The following CCNB3 variants were observed in gnomAD, a reference collection of about 807,000 sequenced individuals.
CCNB3 encodes cyclin B3, also known as G2/mitotic-specific cyclin-B3.
CCNB3 carries 12 observed loss-of-function variants against 68.0 expected under a neutral mutation model. The ratio of observed to expected loss-of-function variants is 0.18; its 90% CI spans 0.11 to 0.29. The LOEUF is 0.29. Ranked by LOEUF, CCNB3 falls within the 10% of genes least tolerant of loss-of-function variation. The pLI, the probability that CCNB3 is intolerant of heterozygous loss-of-function variation, is 1.00. For missense variants in CCNB3, 904 were observed against 993.1 expected (o/e 0.91, Z 1.21); for synonymous variants, 354 against 388.9 (o/e 0.91, Z 1.06).
At chrX:50,316,662 T>C (rs1921739758) in intron 8 of CCNB3, among the ~76,000 whole-genome samples, 1 of 112,221 alleles carries the variant, frequency 8.9e-6, no homozygotes, top group Admixed American at 9.4e-5. Flanking sequence ...ATCTATTCTC[T>C]ATCTTTGCCT....
At chrX:50,329,669 G>A (rs1455009569) in intron 8 of CCNB3, among the ~76,000 whole-genome samples, 5 of 112,389 alleles carry the variant, frequency 4.4e-5, no homozygotes, top group African/African-American at 1.3e-4. Context: ...CCATTGTCCT[G>A]GCTATTAGCA....
chrX:50,226,771 AAT>A (rs1218465393), intron 1 of CCNB3, among the ~76,000 whole-genome samples: 1 of 80,729 alleles, frequency 1.2e-5, no homozygotes, highest in Non-Finnish European at 2.2e-5. Flanking sequence ...ATGTACATAG[AAT>A]ATATATATGA....
chrX:50,227,267 A>G (rs1383016354), intron 1 of CCNB3, among the ~76,000 whole-genome samples: 2 of 84,689 alleles, frequency 2.4e-5, no homozygotes, highest in South Asian at 5.4e-4. Flanking sequence ...ATAAATATAT[A>G]TACAGAATAT....
At chrX:50,203,375 G>A (rs73493783), upstream of CCNB3, among the ~76,000 whole-genome samples, 2,986 of 112,326 alleles carry the variant, frequency 0.027, 94 homozygotes, top group African/African-American at 0.092. Flanking sequence ...CTTGCTGGGT[G>A]TCTTCCAGCC....
At chrX:50,350,546 T>C (rs1423728224) in intron 11 of CCNB3, among the ~76,000 whole-genome samples, 2 of 111,845 alleles carry the variant, frequency 1.8e-5, no homozygotes, top group African/African-American at 3.3e-5. Context: ...CTTAAGTTCA[T>C]GTTGGCTGTG....
intron 5 of CCNB3, among the ~76,000 whole-genome samples, chrX:50,305,097 C>T (rs1159269174): frequency 1.8e-5 from 2 of 111,567 alleles, no homozygotes; most frequent in Admixed American, 1.9e-4. Context: ...GTCAGTGTGG[C>T]GATTCCTCAG....
chrX:50,295,554 G>A (rs970167301), intron 5 of CCNB3, among the ~76,000 whole-genome samples: 4 of 111,422 alleles, frequency 3.6e-5, no homozygotes, highest in East Asian at 2.8e-4. Context: ...TCCTCATTCC[G>A]GTGGGAATTA....
chrX:50,340,686 C>G (rs1228639367), intron 8 of CCNB3, among the ~76,000 whole-genome samples: 4 of 111,971 alleles, frequency 3.6e-5, no homozygotes, highest in African/African-American at 1.3e-4. Flanking sequence ...GCTTGAAGGG[C>G]TGCATTCACC....
At chrX:50,298,180 T>C (rs1449107254) in intron 5 of CCNB3, among the ~76,000 whole-genome samples, 2 of 110,978 alleles carry the variant, frequency 1.8e-5, no homozygotes, top group East Asian at 5.7e-4. Context: ...TGAATAGGAG[T>C]GGTGAGAGAG....
chrX:50,308,308 T>C, intron 5 of CCNB3, among the ~76,000 whole-genome samples, 197 bp from the exon 6 acceptor site: 1 of 112,348 alleles, frequency 8.9e-6, no homozygotes, highest in East Asian at 2.8e-4. Flanking sequence ...TGTAGGTATC[T>C]AGGCCATAGA....
chrX:50,228,225 T>C (rs1935956951), intron 1 of CCNB3, among the ~76,000 whole-genome samples: 2 of 87,087 alleles, frequency 2.3e-5, no homozygotes, highest in Admixed American at 3.0e-4. Context: ...AGAATACATA[T>C]AAATACATAC....
At chrX:50,301,033 T>C (rs183703717) in intron 5 of CCNB3, among the ~76,000 whole-genome samples, 1 of 110,921 alleles carries the variant, frequency 9.0e-6, no homozygotes, top group East Asian at 2.8e-4. Context: ...TAGCCATTCG[T>C]CTATTTTTTT....
intron 1 of CCNB3, among the ~76,000 whole-genome samples, chrX:50,222,501 G>A (rs1375831983): frequency 4.5e-5 from 5 of 111,377 alleles, no homozygotes; most frequent in African/African-American, 1.6e-4. Context: ...GTCTGTAAAG[G>A]ATTTTATTTC....
At chrX:50,317,417 A>T (rs185897522) in intron 8 of CCNB3, among the ~76,000 whole-genome samples, 1 of 111,123 alleles carries the variant, frequency 9.0e-6, no homozygotes, top group East Asian at 2.8e-4. Flanking sequence ...TTTAATTTTG[A>T]TGAAGTCCAG....
chrX:50,289,880 A>G (rs2147028653), intron 4 of CCNB3, among the ~76,000 whole-genome samples: 1 of 112,046 alleles, frequency 8.9e-6, no homozygotes, highest in Non-Finnish European at 1.9e-5. Context: ...TTTCCTTTAG[A>G]TCGCTGCTCT....
chrX:50,227,704 A>G (rs1331201948), intron 1 of CCNB3, among the ~76,000 whole-genome samples: 1 of 94,978 alleles, frequency 1.1e-5, no homozygotes, highest in Non-Finnish European at 2.0e-5. Flanking sequence ...TATAGAGAGA[A>G]TATATATATA....
intron 1 of CCNB3, among the ~76,000 whole-genome samples, chrX:50,225,643 T>C (rs1935742014): frequency 9.1e-6 from 1 of 110,118 alleles, no homozygotes; most frequent in Non-Finnish European, 1.9e-5. Flanking sequence ...AATACAGATA[T>C]ATTTTGAGGT....
chrX:50,228,716 A>T (rs1442825220), intron 1 of CCNB3, among the ~76,000 whole-genome samples: 5 of 66,879 alleles, frequency 7.5e-5, no homozygotes, highest in Non-Finnish European at 1.1e-4. Flanking sequence ...GAATATATAT[A>T]AAGAATATAT....
intron 4 of CCNB3, 44 bp from the exon 5 acceptor site, chrX:50,294,819 G>C: frequency 8.6e-7 from 1 of 1,163,725 alleles, no homozygotes; most frequent in East Asian, 3.0e-5. Context: ...TCATTTTCTT[G>C]CCTCCTTCTT....
Sources: allele counts gnomAD v4.1 joint callset (sites outside exome capture counted in the v4.1 genomes callset), GRCh38; gene constraint gnomAD v4.1.1; transcripts MANE v1.5; gene names NCBI Gene and HGNC (gene_info 2026-07-23, HGNC 2026-07-21).